Variants in BCAR3 observed in about 807,000 individuals in gnomAD.
BCAR3 encodes the protein BCAR3 adaptor protein, NSP family member, also known as breast cancer anti-estrogen resistance protein 3.
In BCAR3, 37 loss-of-function variants were observed where a neutral mutation model predicts 80.1. That is an observed-to-expected ratio of 0.46 (90% CI 0.36 to 0.61). The LOEUF is 0.61. BCAR3 is among the 20% of genes least tolerant of loss of function. The pLI is 0.00. For synonymous variants in BCAR3, 389 were observed against 418.9 expected (o/e 0.93, Z 0.87); for missense variants, 978 against 1,068.2 (o/e 0.92, Z 1.18).
chr1:93,697,467 A>G (rs1370011429), intron 3 of BCAR3, among the ~76,000 whole-genome samples: 1 of 152,192 alleles, frequency 6.6e-6, no homozygotes, highest in Non-Finnish European at 1.5e-5. Flanking sequence ...TTGATGCCAG[A>G]GGCCCCAGGA....
At chr1:93,747,788 C>A (rs1651409452) in intron 2 of BCAR3, among the ~76,000 whole-genome samples, 1 of 151,682 alleles carries the variant, frequency 6.6e-6, no homozygotes, top group Non-Finnish European at 1.5e-5. Flanking sequence ...ACTCAGGTTC[C>A]ATCTCCTGCC....
chr1:93,597,392 G>A (rs1269929548), intron 3 of BCAR3, among the ~76,000 whole-genome samples: 1 of 152,176 alleles, frequency 6.6e-6, no homozygotes, highest in African/African-American at 2.4e-5. Context: ...TCTGAGTCTA[G>A]CTACATCTTT....
intron 2 of BCAR3, among the ~76,000 whole-genome samples, chr1:93,766,788 C>T (rs74104131): frequency 0.12 from 17,810 of 152,186 alleles, 1,465 homozygotes; most frequent in African/African-American, 0.22. Flanking sequence ...TTATTTAGTG[C>T]TTATCTGATT....
At chr1:93,757,796 G>C (rs1276001626) in intron 2 of BCAR3, among the ~76,000 whole-genome samples, 2 of 152,200 alleles carry the variant, frequency 1.3e-5, no homozygotes, top group Admixed American at 1.3e-4. Flanking sequence ...TGTGCTGGCA[G>C]CCTCTTGCCC....
intron 7 of BCAR3, among the ~76,000 whole-genome samples, chr1:93,579,374 T>A (rs1673607294): frequency 6.6e-6 from 1 of 152,160 alleles, no homozygotes; most frequent in South Asian, 2.1e-4. Flanking sequence ...GGTGGTAGAC[T>A]CCAGAGACAG....
At position 93,823,425 on chromosome 1, in the gene BCAR3, G is replaced by A. The variant is rs759676767; in HGVS notation, c.-63+22142C>T. The stretch of plus-strand genomic sequence containing the variant: ...GTGGAAGGAATACAGTTAGGAGGCA[G>A]TGGTCTCTTCTTCTGGAGCTATCTG... On this transcript the variant is annotated intron_variant, in intron 2 of 13. Coordinates refer to the BCAR3 transcript ENST00000370244. Among the ~76,000 whole-genome samples the A allele has an allele frequency of 4.2e-4, 56 of 134,076 alleles. 12 individuals are homozygous for A. Among genetic ancestry groups the A allele is most frequent in the Non-Finnish European group, 7.7e-4 (46 of 59,370 alleles). The allele number at this position is 134,076 out of a possible 152,430, so 88.0% of individuals were successfully genotyped here.
At chr1:93,816,193 T>G (rs866766505) in intron 2 of BCAR3, among the ~76,000 whole-genome samples, 4 of 152,198 alleles carry the variant, frequency 2.6e-5, no homozygotes, top group Middle Eastern at 6.8e-3. Flanking sequence ...TAAAATAAAT[T>G]AGCTGCACAG....
intron 2 of BCAR3, among the ~76,000 whole-genome samples, chr1:93,647,340 C>T (rs1676174628): frequency 6.6e-6 from 1 of 152,100 alleles, no homozygotes; most frequent in Non-Finnish European, 1.5e-5. Flanking sequence ...TTGCTGGGAA[C>T]CCAAATCCTT....
intron 9 of BCAR3, 123 bp from the exon 10 acceptor site, chr1:93,567,974 G>A: frequency 1.4e-6 from 1 of 703,938 alleles, no homozygotes; most frequent in Non-Finnish European, 2.5e-6. Flanking sequence ...ATCACTTGAG[G>A]TCAGGAGTTC....
At chr1:93,596,146 G>T (rs1272283235) in intron 3 of BCAR3, among the ~76,000 whole-genome samples, 14 of 152,184 alleles carry the variant, frequency 9.2e-5, no homozygotes, top group Admixed American at 9.2e-4. Context: ...AATGCCCTAA[G>T]AATCCTCCTG....
chr1:93,564,081 T>C (rs1672820080), intron 11 of BCAR3, among the ~76,000 whole-genome samples: 2 of 152,202 alleles, frequency 1.3e-5, no homozygotes, highest in African/African-American at 2.4e-5. Context: ...TAATGATGAA[T>C]GCTTTGAACA....
At chr1:93,804,858 T>C (rs1653609155) in intron 2 of BCAR3, among the ~76,000 whole-genome samples, 1 of 152,190 alleles carries the variant, frequency 6.6e-6, no homozygotes, top group South Asian at 2.1e-4. Context: ...AATAAACTTG[T>C]TATGAACACT....
intron 2 of BCAR3, among the ~76,000 whole-genome samples, chr1:93,650,499 A>G (rs1676288746): frequency 6.6e-6 from 1 of 152,226 alleles, no homozygotes; most frequent in African/African-American, 2.4e-5. Flanking sequence ...ATCACTTACT[A>G]CTGTGTGAAT....
intron 4 of BCAR3, among the ~76,000 whole-genome samples, chr1:93,590,554 T>C (rs1674128440): frequency 6.6e-6 from 1 of 152,252 alleles, no homozygotes; most frequent in South Asian, 2.1e-4. Context: ...GTAATGACCA[T>C]GATAAGGAGA....
At chr1:93,646,775 G>C (rs924307762) in intron 2 of BCAR3, among the ~76,000 whole-genome samples, 30 of 152,142 alleles carry the variant, frequency 2.0e-4, no homozygotes, top group African/African-American at 7.0e-4. Context: ...ACTAAATGCT[G>C]AGTTATTGGA....
intron 2 of BCAR3, among the ~76,000 whole-genome samples, chr1:93,773,048 T>C (rs1652416509): frequency 6.6e-6 from 1 of 152,176 alleles, no homozygotes; most frequent in African/African-American, 2.4e-5. Context: ...CTCTAGGAAA[T>C]TGATCTGTTT....
chr1:93,800,505 G>A (rs1653440126), intron 2 of BCAR3, among the ~76,000 whole-genome samples: 1 of 152,150 alleles, frequency 6.6e-6, no homozygotes, highest in East Asian at 1.9e-4. Context: ...AAACCCGGGA[G>A]GCAGAGGTTG....
intron 3 of BCAR3, among the ~76,000 whole-genome samples, chr1:93,630,763 T>C (rs1254749766): frequency 6.6e-6 from 1 of 152,226 alleles, no homozygotes; most frequent in East Asian, 1.9e-4. Context: ...ATGTGTCAAA[T>C]GAACCAGCCA....
chr1:93,713,694 G>A (rs1232490936), intron 2 of BCAR3, among the ~76,000 whole-genome samples: 2 of 151,842 alleles, frequency 1.3e-5, no homozygotes, highest in Admixed American at 6.5e-5. Context: ...CCACAGCAAT[G>A]GTTCCAAAAA....
Sources: allele counts gnomAD v4.1 joint callset (sites outside exome capture counted in the v4.1 genomes callset), GRCh38; gene constraint gnomAD v4.1.1; transcripts MANE v1.5; gene names NCBI Gene and HGNC (gene_info 2026-07-23, HGNC 2026-07-21).